The following GRAP2 variants were observed in gnomAD, a reference collection of about 807,000 sequenced individuals.
GRAP2 encodes the protein GRB2-related adapter protein 2.
In GRAP2, 31 loss-of-function variants were observed where a neutral mutation model predicts 43.5. The ratio of observed to expected loss-of-function variants is 0.71; its 90% CI spans 0.54 to 0.96. GRAP2 has a LOEUF of 0.96. GRAP2 is among the 40% of genes least tolerant of loss of function. The pLI is 0.00. For missense variants in GRAP2, 371 were observed against 424.4 expected (o/e 0.87, Z 1.11); for synonymous variants, 156 against 164.8 (o/e 0.95, Z 0.41).
chr22:39,921,582 T>C (rs1337874348), intron 1 of GRAP2, among the ~76,000 whole-genome samples: 1 of 152,234 alleles, frequency 6.6e-6, no homozygotes, highest in Non-Finnish European at 1.5e-5. Flanking sequence ...TACAATCTTT[T>C]ATTAAAAACC....
upstream of GRAP2, among the ~76,000 whole-genome samples, chr22:39,899,695 C>G (rs1034940622): frequency 2.0e-4 from 30 of 152,066 alleles, no homozygotes; most frequent in Non-Finnish European, 5.9e-5. Context: ...TATTAAGGAG[C>G]TACAGGGCCG....
At chr22:39,959,049 C>G (rs1389995924) in intron 3 of GRAP2, among the ~76,000 whole-genome samples, 1 of 152,186 alleles carries the variant, frequency 6.6e-6, no homozygotes, top group African/African-American at 2.4e-5. Flanking sequence ...GGGCTTTTAT[C>G]TTAAAGGAAC....
At chr22:39,920,608 C>A (rs1406514841) in intron 1 of GRAP2, among the ~76,000 whole-genome samples, 1 of 152,102 alleles carries the variant, frequency 6.6e-6, no homozygotes, top group Non-Finnish European at 1.5e-5. Flanking sequence ...AACATGCTGC[C>A]CCCATTCTGT....
At position 39,970,944 on chromosome 22, in the gene GRAP2, C is replaced by T; in HGVS notation, c.853C>T (p.Leu285=). The T allele has an allele frequency of 1.9e-6, 3 of 1,613,316 alleles. No individual in the cohort carries two copies. Among genetic ancestry groups the T allele is most frequent in the Non-Finnish European group, 2.5e-6 (3 of 1,179,732 alleles). ...CCGGGCGCTGTATGACTTTGAGGCC[C>T]TGGAGGATGACGAGCTGGGGTTCCA... ...WARALYDFEA[L]EDDELGFHSG... Residue 285 remains leucine (L), a synonymous_variant, in exon 8 of 8, where the codon CTG becomes TTG. Transcript: ENST00000344138.
Position 39,966,044 on chromosome 22 carries a change from C to T in GRAP2, c.345C>T (p.Tyr115=). 6.2e-7 allele frequency: 1 copy of T among 1,613,890 alleles called. No individual in the cohort carries two copies. ...TCATGCGAGACAACAAGGGTAATTACTTTCTGTGGACTGAGAAGTTTCCAT... is the reference window on the plus strand; with the variant it reads ...TCATGCGAGACAACAAGGGTAATTATTTTCTGTGGACTGAGAAGTTTCCAT... The part of the protein sequence containing the change: ...FKVMRDNKGN[Y]FLWTEKFPSL... The change falls in exon 5 of 8, where the codon TAC becomes TAT. Residue 115 remains tyrosine, a synonymous_variant. Coordinates refer to ENST00000344138, the MANE Select transcript of GRAP2 (RefSeq NM_004810.4).
At chr22:39,968,318 C>T in intron 6 of GRAP2, 46 bp downstream of exon 6, 1 of 1,586,870 alleles carries the variant, frequency 6.3e-7, no homozygotes, top group Non-Finnish European at 8.6e-7. Flanking sequence ...GAAAGGAGAA[C>T]CTGCCTCCCC....
upstream of GRAP2, among the ~76,000 whole-genome samples, chr22:39,899,462 T>TC (rs1347410307): frequency 6.6e-6 from 1 of 152,204 alleles, no homozygotes; most frequent in African/African-American, 2.4e-5. Flanking sequence ...TTTCAGCATT[T>TC]AAAAACTTGG....
At chr22:39,951,203 G>A (rs1300224661) in intron 2 of GRAP2, among the ~76,000 whole-genome samples, 2 of 152,104 alleles carry the variant, frequency 1.3e-5, no homozygotes, top group South Asian at 2.1e-4. Context: ...CTCCTATGAC[G>A]GAAACATTTG....
chr22:39,937,808 T>C (rs930715937), intron 1 of GRAP2, among the ~76,000 whole-genome samples: 1 of 152,186 alleles, frequency 6.6e-6, no homozygotes, highest in Non-Finnish European at 1.5e-5. Flanking sequence ...AGTCCCGTAG[T>C]AAACCTCCCA....
intron 7 of GRAP2, among the ~76,000 whole-genome samples, chr22:39,970,322 C>A (rs989234292): frequency 6.6e-6 from 1 of 152,142 alleles, no homozygotes; most frequent in Non-Finnish European, 1.5e-5. Context: ...CTCAAGCAAT[C>A]CTCCTACCTC....
chr22:39,956,519 A>G (rs137996), intron 3 of GRAP2, among the ~76,000 whole-genome samples: 124,905 of 151,496 alleles, frequency 0.82, 52,076 homozygotes, highest in African/African-American at 0.9. Context: ...TTGAGACAGA[A>G]CCTTGCTCTG....
chr22:39,919,754 A>G (rs1380482576), intron 1 of GRAP2, among the ~76,000 whole-genome samples: 2 of 152,246 alleles, frequency 1.3e-5, no homozygotes, highest in Admixed American at 6.5e-5. Context: ...TTTACTAAGC[A>G]TCTATCTTGA....
chr22:39,921,631 G>C (rs1412424540), intron 1 of GRAP2, among the ~76,000 whole-genome samples: 1 of 152,126 alleles, frequency 6.6e-6, no homozygotes, highest in Non-Finnish European at 1.5e-5. Flanking sequence ...TGTAGTAAAT[G>C]ATCTAGATTA....
At chr22:39,959,340 T>C (rs897095331) in intron 3 of GRAP2, among the ~76,000 whole-genome samples, 3 of 152,230 alleles carry the variant, frequency 2.0e-5, no homozygotes, top group Non-Finnish European at 2.9e-5. Context: ...TTTCTTCTTT[T>C]CCACAGTAAA....
Position 39,969,421 on chromosome 22 carries a change from G to C in GRAP2, c.701G>C (p.Gly234Ala), listed in dbSNP as rs1366560121. The C allele has an allele frequency of 1.2e-6, 2 of 1,613,962 alleles. No homozygotes were observed. Among genetic ancestry groups the C allele is most frequent in the Non-Finnish European group, 1.7e-6 (2 of 1,179,900 alleles). Residue 234 changes from glycine to alanine, a missense_variant, in exon 7 of 8, where the codon GGA becomes GCA. By Grantham distance (60) the Gly-to-Ala change is moderately conservative. Coordinates refer to ENST00000344138, the MANE Select transcript of GRAP2 (RefSeq NM_004810.4). ...QHHHFHQERR[G>A]GSLDINDGHC... The stretch of plus-strand genomic sequence containing the variant: ...GTTGTATGTTTCTAGGAACGCCGAG[G>C]AGGCAGCCTTGACATAAATGATGGG...
intron 1 of GRAP2, among the ~76,000 whole-genome samples, chr22:39,945,084 G>C (rs2066908403): frequency 6.6e-6 from 1 of 152,224 alleles, no homozygotes; most frequent in African/African-American, 2.4e-5. Flanking sequence ...AATCAGCAAA[G>C]GCATTTAGCA....
chr22:39,960,227 A>G, intron 4 of GRAP2, 53 bp downstream of exon 4: 1 of 1,560,402 alleles, frequency 6.4e-7, no homozygotes, highest in East Asian at 2.2e-5. Context: ...TTAACCTCAC[A>G]GAATGCTGAA....
intron 1 of GRAP2, among the ~76,000 whole-genome samples, chr22:39,901,807 G>A (rs1317082293): frequency 6.6e-6 from 1 of 152,138 alleles, no homozygotes; most frequent in Non-Finnish European, 1.5e-5. Context: ...AAGGACACCA[G>A]TTTTCATTCC....
chr22:39,894,231 ATC>A, the GRAP2 span, among the ~76,000 whole-genome samples: 1 of 151,980 alleles, frequency 6.6e-6, no homozygotes, highest in Non-Finnish European at 1.5e-5. Flanking sequence ...CTAGCATAAT[ATC>A]TCTTTTTTTT....
Sources: gnomAD v4.1 joint callset for allele counts (sites outside exome capture counted in the v4.1 genomes callset) on GRCh38, gnomAD v4.1.1 for gene constraint, MANE v1.5 for transcripts, NCBI Gene and HGNC (gene_info 2026-07-23, HGNC 2026-07-21) for gene names.